The following ASB18 variants were observed in gnomAD, a reference collection of about 807,000 sequenced individuals.
The protein encoded by ASB18 is ankyrin repeat and SOCS box containing 18.
In ASB18, 33 loss-of-function variants were observed where a neutral mutation model predicts 33.4. That is an observed-to-expected ratio of 0.99 (90% confidence interval 0.75 to 1.32). ASB18 has a LOEUF of 1.32. ASB18 is among the 40% of genes most tolerant of loss of function. The probability of loss-of-function intolerance (pLI) is 0.00; values close to 1 mark genes in which losing one functional copy is unlikely to be tolerated. For missense variants in ASB18, 694 were observed against 655.5 expected (o/e 1.06, Z -0.64); for synonymous variants, 295 against 307.6 (o/e 0.96, Z 0.43).
rs1014125551 is a variant in ASB18, at chr2:236,228,338, G to C, written c.596+9351C>G. On this transcript the variant is annotated intron_variant, in intron 3 of 5. Coordinates refer to ENST00000409749, the MANE Select transcript of ASB18 (RefSeq NM_212556.4). The surrounding 1 kb of genome is among the most constrained non-coding windows in gnomAD (Gnocchi z 5.1). ...GGGTTCTATGAAGGGGACCCCAGCA[G>C]AGCCTGGTGAGCTGAGTGGAGGAGA... Among the ~76,000 whole-genome samples, 2 of 107,086 alleles carry C rather than the reference G, an allele frequency of 1.9e-5. No individual in the cohort carries two copies. The highest frequency in any genetic ancestry group is 7.8e-5 in the Admixed American group (1 of 12,894). The allele number at this position is 107,086 out of a possible 152,430, so 70.3% of individuals were successfully genotyped here.
In ASB18 at chr2:236,214,808, G is replaced by A. The variant is rs1434643366; in HGVS notation, c.655C>T (p.Arg219Trp). 17 of 1,210,796 alleles carry A rather than the reference G, an allele frequency of 1.4e-5. No individual in the cohort carries two copies. The East Asian group carries it at 5.5e-4, about 39-fold the overall frequency. 75.0% of individuals were successfully genotyped at this position (1,210,796 alleles called of 1,614,324 possible). A position where few individuals can be genotyped will look rare whatever the true frequency, so the allele number is the denominator to read the frequency against. Residue 219 changes from arginine (R) to tryptophan (W), a missense_variant, in exon 4 of 6, where the codon CGG becomes TGG. Transcript: ENST00000409749. The surrounding 1 kb of genome is among the most constrained non-coding windows in gnomAD (Gnocchi z 6.5). Reference protein sequence around the residue: ...ASVQRVGGTGRDTPLHVAAQR... With the variant: ...ASVQRVGGTGWDTPLHVAAQR... ...GCCGCCACGTGCAGCGGCGTGTCCCGGCCCGTGCCGCCCACGCGCTGCACC... is the reference window on the plus strand; with the variant it reads ...GCCGCCACGTGCAGCGGCGTGTCCCAGCCCGTGCCGCCCACGCGCTGCACC...
At chr2:236,224,671 ACGG>A (rs2060528951) in intron 3 of ASB18, among the ~76,000 whole-genome samples, 2 of 152,240 alleles carry the variant, frequency 1.3e-5, no homozygotes, top group African/African-American at 4.8e-5. Flanking sequence ...CTGGCATAAC[ACGG>A]ACTCTCTCTG....
rs566510220 is a variant in ASB18 at position 236,217,718 on chromosome 2, T to G, written c.597-2852A>C. Among the ~76,000 whole-genome samples the G allele has an allele frequency of 6.6e-6, 1 of 152,340 alleles. No homozygotes were observed. Among genetic ancestry groups the G allele is most frequent in the East Asian group, 1.9e-4 (1 of 5,184 alleles). ...GGCTCTCAGTATTTTAAATTCTCCC[T>G]TTGGATTGTCTCGTTTCTACATCAG... On this transcript the variant is annotated intron_variant, in intron 3 of 5. Coordinates refer to ENST00000409749, the MANE Select transcript of ASB18 (RefSeq NM_212556.4). The surrounding 1 kb of genome is among the most constrained non-coding windows in gnomAD (Gnocchi z 5.2).
chr2:236,206,759 G>A (rs2060436114), intron 4 of ASB18, among the ~76,000 whole-genome samples: 1 of 152,222 alleles, frequency 6.6e-6, no homozygotes, highest in South Asian at 2.1e-4. Context: ...TAATCAAACT[G>A]CTGAGATTCC....
chr2:236,251,019 C>G lies in ASB18; in HGVS notation c.206-9617G>C. On this transcript the variant is annotated intron_variant, in intron 1 of 5. Coordinates refer to ENST00000409749, the MANE Select transcript of ASB18 (RefSeq NM_212556.4). The surrounding 1 kb of genome is among the most constrained non-coding windows in gnomAD (Gnocchi z 5.3). ...TCACATTATTAAGAAATCTCATTTC[C>G]ATCATGTGGAGGAACACAATAAGGG... Among the ~76,000 whole-genome samples, 1 of 152,144 alleles carries G rather than the reference C, an allele frequency of 6.6e-6. No individual in the cohort carries two copies. The highest frequency in any genetic ancestry group is 1.9e-4 in the East Asian group (1 of 5,188).
chr2:236,200,350 A>G lies in ASB18; in HGVS notation c.1102-3965T>C, dbSNP rs1262961078. On this transcript the variant is annotated intron_variant, in intron 4 of 5. Coordinates refer to ENST00000409749, the MANE Select transcript of ASB18 (RefSeq NM_212556.4). This position sits in a 1 kb window ranked among gnomAD's most constrained non-coding sequence, Gnocchi z 4.2. Reference sequence around the variant, plus strand: ...GGCGACAGAGCAAGACTCCGTCTAAAAAAAAAAGAGATGGCGAGTTCGATA... The same window carrying G: ...GGCGACAGAGCAAGACTCCGTCTAAGAAAAAAAGAGATGGCGAGTTCGATA... Among the ~76,000 whole-genome samples the G allele has an allele frequency of 6.6e-6, 1 of 152,188 alleles. No individual in the cohort carries two copies. Among genetic ancestry groups the G allele is most frequent in the Non-Finnish European group, 1.5e-5 (1 of 68,038 alleles).
chr2:236,194,778 A>G lies in ASB18; in HGVS notation c.*94T>C. ...GAGAGCAAGTGGGAAGGGAACTCCC[A>G]TCACCTCCATCTGCATCAGGGCACT... On this transcript the variant is annotated 3_prime_UTR_variant, in exon 6 of 6. Coordinates refer to ENST00000409749, the MANE Select transcript of ASB18 (RefSeq NM_212556.4). The surrounding 1 kb of genome is among the most constrained non-coding windows in gnomAD (Gnocchi z 4.5). 8.9e-7 allele frequency: 1 copy of G among 1,120,072 alleles called. No homozygotes were observed. The highest frequency in any genetic ancestry group is 1.6e-5 in the South Asian group (1 of 61,100). The allele number at this position is 1,120,072 out of a possible 1,614,324, so 69.4% of individuals were successfully genotyped here. A position where few individuals can be genotyped will look rare whatever the true frequency, so the allele number is the denominator to read the frequency against.
At position 236,243,931 on chromosome 2, in the gene ASB18, ATTCTC is replaced by A. The variant is rs928717652; in HGVS notation, c.206-2534_206-2530del. ...AACCTCTGCCTCCAGGGCTCCAGCGATTCTCTTGCCTCAGCCTCCTGAGTAGCTAG... is the reference window on the plus strand; with the variant it reads ...AACCTCTGCCTCCAGGGCTCCAGCGATTGCCTCAGCCTCCTGAGTAGCTAG... On this transcript the variant is annotated intron_variant, in intron 1 of 5. Transcript: ENST00000409749. 4.6e-5 allele frequency among the ~76,000 whole-genome samples: 7 copies of A among 152,156 alleles called. No individual in the cohort carries two copies. The East Asian group carries it at 1.4e-3, about 29-fold the overall frequency.
chr2:236,223,006 C>T lies in ASB18; in HGVS notation c.597-8140G>A, dbSNP rs761181391. 1.1e-4 allele frequency among the ~76,000 whole-genome samples: 16 copies of T among 152,016 alleles called. No individual in the cohort carries two copies. Among genetic ancestry groups the T allele is most frequent in the South Asian group, 2.1e-4 (1 of 4,822 alleles). On this transcript the variant is annotated intron_variant, in intron 3 of 5. Transcript: ENST00000409749. This position sits in a 1 kb window ranked among gnomAD's most constrained non-coding sequence, Gnocchi z 4.6. ...CAGCACTCCAGCCTGGGTGACAGAG[C>T]GAGACTCCGTCTCCAAAAAAAGGTG...
rs1291658371 is a variant in ASB18, at chr2:236,250,834, A to T, written c.206-9432T>A. On this transcript the variant is annotated intron_variant, in intron 1 of 5. Coordinates refer to ENST00000409749, the MANE Select transcript of ASB18 (RefSeq NM_212556.4). The surrounding 1 kb of genome is among the most constrained non-coding windows in gnomAD (Gnocchi z 4.1). ...CAGGACACATCCATCCACCAGAGTTAGTCACATAGACATTAATATCAAAAA... is the reference window on the plus strand; with the variant it reads ...CAGGACACATCCATCCACCAGAGTTTGTCACATAGACATTAATATCAAAAA... 1.3e-5 allele frequency: 2 copies of T among 152,252 alleles called. No individual in the cohort carries two copies. Among genetic ancestry groups the T allele is most frequent in the African/African-American group, 4.8e-5 (2 of 41,470 alleles). 9.4% of individuals were successfully genotyped at this position (152,252 alleles called of 1,614,324 possible). A position where few individuals can be genotyped will look rare whatever the true frequency, so the allele number is the denominator to read the frequency against.
At position 236,200,750 on chromosome 2, in the gene ASB18, C is replaced by A. The variant is rs1163541957; in HGVS notation, c.1102-4365G>T. ...TCTTCACTCTATCGATGAATAAGCA[C>A]CCTTTTCTCATTTGAAATTCACTGT... On this transcript the variant is annotated intron_variant, in intron 4 of 5. Transcript: ENST00000409749. This position sits in a 1 kb window ranked among gnomAD's most constrained non-coding sequence, Gnocchi z 4.2. 1.3e-5 allele frequency among the ~76,000 whole-genome samples: 2 copies of A among 152,172 alleles called. No homozygotes were observed. The highest frequency in any genetic ancestry group is 2.4e-5 in the African/African-American group (1 of 41,452).
rs185654865 is a variant in ASB18 at position 236,198,193 on chromosome 2, T to C, written c.1102-1808A>G. ...ACAAATATGACAAACTAAAAAAAAT[T>C]CATATTCCTCTGGCTAGAGGTAACT... On this transcript the variant is annotated intron_variant, in intron 4 of 5. Transcript: ENST00000409749. Among the ~76,000 whole-genome samples, 9 of 152,230 alleles carry C rather than the reference T, an allele frequency of 5.9e-5. No individual in the cohort carries two copies. The East Asian group carries it at 1.7e-3, about 29-fold the overall frequency.
At position 236,215,608 on chromosome 2, in the gene ASB18, C is replaced by G. The variant is rs987460152; in HGVS notation, c.597-742G>C. 1.3e-5 allele frequency among the ~76,000 whole-genome samples: 2 copies of G among 152,182 alleles called. No individual in the cohort carries two copies. Among genetic ancestry groups the G allele is most frequent in the Non-Finnish European group, 2.9e-5 (2 of 68,034 alleles). On this transcript the variant is annotated intron_variant, in intron 3 of 5. Coordinates refer to ENST00000409749, the MANE Select transcript of ASB18 (RefSeq NM_212556.4). This position sits in a 1 kb window ranked among gnomAD's most constrained non-coding sequence, Gnocchi z 7.2. Reference sequence around the variant, plus strand: ...CTGCCTCCAGGAGCATGACTGTCCTCTACCCCAGGCACCAGGCTTCCTCAG... The same window carrying G: ...CTGCCTCCAGGAGCATGACTGTCCTGTACCCCAGGCACCAGGCTTCCTCAG...
At chr2:236,224,064 GGTAT>G (rs573450307) in intron 3 of ASB18, among the ~76,000 whole-genome samples, 125 of 151,932 alleles carry the variant, frequency 8.2e-4, no homozygotes, top group African/African-American at 3.0e-3. Context: ...ATTACTGGTA[GGTAT>G]GTATTTAACT....
rs532131685 is a variant in ASB18 at position 236,241,360 on chromosome 2, T to C, written c.248A>G (p.Gln83Arg). 1.2e-6 allele frequency: 2 copies of C among 1,614,036 alleles called. No individual in the cohort carries two copies. The highest frequency in any genetic ancestry group is 1.3e-5 in the African/African-American group (1 of 75,078). The change falls in exon 2 of 6, where the codon CAG becomes CGG. Residue 83 changes from glutamine (Q) to arginine (R), a missense_variant. Physicochemically the swap from Gln to Arg is conservative, Grantham distance 43. Coordinates refer to ENST00000409749, the MANE Select transcript of ASB18 (RefSeq NM_212556.4). The surrounding 1 kb of genome is among the most constrained non-coding windows in gnomAD (Gnocchi z 4.2). ...HLKPLMDQFF[Q>R]DANVVFEINK... ...GATCTCAAACACCACGTTGGCATCCTGGAAGAACTGGTCCATGAGGGGCTT... is the reference window on the plus strand; with the variant it reads ...GATCTCAAACACCACGTTGGCATCCCGGAAGAACTGGTCCATGAGGGGCTT...
Position 236,228,359 on chromosome 2 carries a change from G to A in ASB18, c.596+9330C>T, listed in dbSNP as rs1397556538. ...AGCAGAGCCTGGTGAGCTGAGTGGA[G>A]GAGACGGCACTGGAAGTCTAGGGAT... On this transcript the variant is annotated intron_variant, in intron 3 of 5. Transcript: ENST00000409749. The surrounding 1 kb of genome is among the most constrained non-coding windows in gnomAD (Gnocchi z 5.1). 6.6e-6 allele frequency among the ~76,000 whole-genome samples: 1 copy of A among 150,688 alleles called. No individual in the cohort carries two copies. Among genetic ancestry groups the A allele is most frequent in the Non-Finnish European group, 1.5e-5 (1 of 67,814 alleles).
chr2:236,224,485 G>A (rs10174927), intron 3 of ASB18, among the ~76,000 whole-genome samples: 3,503 of 152,238 alleles, frequency 0.023, 151 homozygotes, highest in African/African-American at 0.08. Context: ...GGACACACTT[G>A]TAACACAGCA....
chr2:236,232,740 A>T (rs1395199453), intron 3 of ASB18, among the ~76,000 whole-genome samples: 1 of 152,104 alleles, frequency 6.6e-6, no homozygotes, highest in Non-Finnish European at 1.5e-5. Flanking sequence ...CACTCAAAAA[A>T]AAAGAAATAA....
At position 236,204,045 on chromosome 2, in the gene ASB18, A is replaced by G. The variant is rs2060420684; in HGVS notation, c.1102-7660T>C. Among the ~76,000 whole-genome samples the G allele has an allele frequency of 6.6e-6, 1 of 152,148 alleles. No homozygotes were observed. Among genetic ancestry groups the G allele is most frequent in the Admixed American group, 6.5e-5 (1 of 15,268 alleles). Reference sequence around the variant, plus strand: ...CTCAGGTGGTGGCAGTCAGGAGGGTAGGAGATTTTGAGATATATTTAGGGG... The same window carrying G: ...CTCAGGTGGTGGCAGTCAGGAGGGTGGGAGATTTTGAGATATATTTAGGGG... On this transcript the variant is annotated intron_variant, in intron 4 of 5. Transcript: ENST00000409749. This position sits in a 1 kb window ranked among gnomAD's most constrained non-coding sequence, Gnocchi z 5.1.
Sources: allele counts gnomAD v4.1 joint callset (sites outside exome capture counted in the v4.1 genomes callset), GRCh38; gene constraint gnomAD v4.1.1; non-coding constraint Gnocchi (gnomAD v3.1); transcripts MANE v1.5; gene names NCBI Gene and HGNC (gene_info 2026-07-23, HGNC 2026-07-21).